The following FNDC3A variants were observed in gnomAD, a reference collection of about 807,000 sequenced individuals.
FNDC3A encodes the protein fibronectin type III domain containing 3A.
A neutral mutation model predicts 148.9 loss-of-function variants in FNDC3A; 32 were observed. The ratio of observed to expected loss-of-function variants is 0.21; its 90% CI spans 0.16 to 0.29. FNDC3A has a LOEUF of 0.29. Ranked by LOEUF, FNDC3A falls within the 10% of genes least tolerant of loss-of-function variation. The pLI, the probability that FNDC3A is intolerant of heterozygous loss-of-function variation, is 1.00. For synonymous variants in FNDC3A, 472 were observed against 473.6 expected (o/e 1.00, Z 0.04); for missense variants, 1,191 against 1,452.8 (o/e 0.82, Z 2.93).
intron 7 of FNDC3A, among the ~76,000 whole-genome samples, chr13:49,140,105 A>G (rs1010033483): frequency 6.6e-6 from 1 of 152,140 alleles, no homozygotes; most frequent in Admixed American, 6.6e-5. Context: ...AACCAAGACA[A>G]GAAGATCACT....
At chr13:49,009,301 C>A (rs1952288733) in intron 2 of FNDC3A, among the ~76,000 whole-genome samples, 2 of 152,102 alleles carry the variant, frequency 1.3e-5, no homozygotes, top group African/African-American at 2.4e-5. Flanking sequence ...TAGCTCATTT[C>A]TTTTTCATTA....
At chr13:49,001,010 A>C (rs1271933001) in intron 1 of FNDC3A, among the ~76,000 whole-genome samples, 1 of 151,486 alleles carries the variant, frequency 6.6e-6, no homozygotes, top group East Asian at 1.9e-4. Flanking sequence ...TCTACCTATA[A>C]GATTATATTG....
chr13:49,128,585 A>G (rs1347786185), intron 4 of FNDC3A, among the ~76,000 whole-genome samples: 1 of 152,164 alleles, frequency 6.6e-6, no homozygotes, highest in Non-Finnish European at 1.5e-5. Flanking sequence ...ACTAGATTTT[A>G]TCACTCTTCT....
chr13:49,009,256 C>G (rs1157492427), intron 2 of FNDC3A, among the ~76,000 whole-genome samples: 1 of 152,148 alleles, frequency 6.6e-6, no homozygotes, highest in Non-Finnish European at 1.5e-5. Flanking sequence ...TCCCACTTAG[C>G]AGTATGGTGT....
At chr13:49,184,949 G>A (rs1245419953) in intron 14 of FNDC3A, among the ~76,000 whole-genome samples, 1 of 149,798 alleles carries the variant, frequency 6.7e-6, no homozygotes, top group African/African-American at 2.4e-5. Context: ...GAGCATAAGG[G>A]GGAGGGGGGT....
rs564947598 is a variant in FNDC3A, at chr13:49,069,465, T to C, written c.100-5824T>C. 2.0e-5 allele frequency among the ~76,000 whole-genome samples: 3 copies of C among 152,350 alleles called. No individual in the cohort carries two copies. In the South Asian group the frequency reaches 6.2e-4, roughly 32 times the overall value. On this transcript the variant is annotated intron_variant, in intron 2 of 25. Coordinates refer to ENST00000492622, the MANE Select transcript of FNDC3A (RefSeq NM_001079673.2). ...CCATATAGAACTCCAGAATTTCTTT[T>C]GGTTCGTTGAACACAGTAAACTTAA...
chr13:49,187,090 C>G (rs756947147), intron 15 of FNDC3A, 32 bp from the exon 16 acceptor site: 1 of 1,509,664 alleles, frequency 6.6e-7, no homozygotes, highest in Admixed American at 1.8e-5. Context: ...TGTTTTGTAC[C>G]TTGCCTAATA....
At position 49,136,271 on chromosome 13, in the gene FNDC3A, A is replaced by G. The variant is rs370309295; in HGVS notation, c.491-61A>G. The G allele has an allele frequency of 7.4e-5, 101 of 1,373,658 alleles. No homozygotes were observed. The East Asian group carries it at 1.6e-3, about 22-fold the overall frequency. 85.1% of individuals were successfully genotyped at this position (1,373,658 alleles called of 1,614,324 possible). A position where few individuals can be genotyped will look rare whatever the true frequency, so the allele number is the denominator to read the frequency against. ...TAGATTTATTTTCTGTTCTTTTTTC[A>G]TGGCATAAACTTATTTGGAGAAAGT... On this transcript the variant is annotated intron_variant, in intron 5 of 25. Transcript: ENST00000492622.
At chr13:49,120,899 A>C (rs1359812167) in intron 4 of FNDC3A, among the ~76,000 whole-genome samples, 1 of 152,052 alleles carries the variant, frequency 6.6e-6, no homozygotes, top group Non-Finnish European at 1.5e-5. Flanking sequence ...AATAATGGGT[A>C]ATAATAATTA....
intron 3 of FNDC3A, among the ~76,000 whole-genome samples, chr13:49,078,595 G>A (rs1317726508): frequency 6.6e-6 from 1 of 152,220 alleles, no homozygotes; most frequent in Non-Finnish European, 1.5e-5. Context: ...TGGAATATGG[G>A]TGGAAGGAAT....
chr13:48,975,971 A>C lies in FNDC3A; in HGVS notation c.-246A>C, dbSNP rs1383354110. ...GTTCGTGGTCCCTCGGGTGAAACAG[A>C]AAGCGGGAGCTACGCGGAGAGGGAG... On this transcript the variant is annotated 5_prime_UTR_variant, in exon 1 of 26. Transcript: ENST00000492622. The C allele has an allele frequency of 6.6e-6, 1 of 152,412 alleles. No homozygotes were observed. Among genetic ancestry groups the C allele is most frequent in the Non-Finnish European group, 1.5e-5 (1 of 68,390 alleles). The allele number at this position is 152,412 out of a possible 1,614,324, so 9.4% of individuals were successfully genotyped here. A position where few individuals can be genotyped will look rare whatever the true frequency, so the allele number is the denominator to read the frequency against.
intron 11 of FNDC3A, among the ~76,000 whole-genome samples, chr13:49,174,099 C>T (rs1253995003): frequency 2.0e-5 from 3 of 152,164 alleles, no homozygotes; most frequent in African/African-American, 7.2e-5. Flanking sequence ...TTGACCCTAT[C>T]AAAGATCGTC....
At chr13:49,070,937 T>C (rs1327644579) in intron 2 of FNDC3A, among the ~76,000 whole-genome samples, 1 of 149,910 alleles carries the variant, frequency 6.7e-6, no homozygotes, top group African/African-American at 2.5e-5. Context: ...CTCACTTCAT[T>C]GCCCAGGTTG....
At chr13:49,077,090 C>A (rs1421214855) in intron 3 of FNDC3A, among the ~76,000 whole-genome samples, 1 of 152,160 alleles carries the variant, frequency 6.6e-6, no homozygotes, top group African/African-American at 2.4e-5. Flanking sequence ...CCAGCCTGGG[C>A]AGCATAACAA....
chr13:49,118,088 C>T (rs377187895), intron 4 of FNDC3A, among the ~76,000 whole-genome samples: 1 of 152,164 alleles, frequency 6.6e-6, no homozygotes, highest in African/African-American at 2.4e-5. Flanking sequence ...GAAAATGTGT[C>T]GTTTTCATTA....
chr13:49,189,762 TAGCATTTTAC>T (rs1885787758), intron 17 of FNDC3A, among the ~76,000 whole-genome samples: 1 of 152,216 alleles, frequency 6.6e-6, no homozygotes, highest in African/African-American at 2.4e-5. Context: ...TGTTCTACTA[TAGCATTTTAC>T]AGCATTTTTA....
At chr13:49,109,800 C>T (rs757203884) in intron 3 of FNDC3A, among the ~76,000 whole-genome samples, 3 of 152,118 alleles carry the variant, frequency 2.0e-5, no homozygotes, top group Non-Finnish European at 4.4e-5. Context: ...AAATAACAGC[C>T]TGAAACATAA....
Position 49,131,326 on chromosome 13 carries a change from A to T in FNDC3A, c.442A>T (p.Thr148Ser). 1 of 1,614,128 alleles carries T rather than the reference A, an allele frequency of 6.2e-7. No homozygotes were observed. Among genetic ancestry groups the T allele is most frequent in the African/African-American group, 1.3e-5 (1 of 75,032 alleles). Residue 148 changes from threonine (T) to serine (S), a missense_variant, in exon 5 of 26, where the codon ACA (threonine) becomes TCA (serine). Thr to Ser is a moderately conservative substitution (Grantham distance 58, BLOSUM62 1). Transcript: ENST00000492622. Reference protein sequence around the residue: ...SPVTGAGDMTTQYMPQYQSSQ... With the variant: ...SPVTGAGDMTSQYMPQYQSSQ... Reference sequence around the variant, plus strand: ...CGTGACTGGAGCTGGAGACATGACAACACAGTATATGCCACAGTATCAGTC... The same window carrying T: ...CGTGACTGGAGCTGGAGACATGACATCACAGTATATGCCACAGTATCAGTC...
chr13:49,163,505 T>C (rs898602057), intron 8 of FNDC3A, among the ~76,000 whole-genome samples: 2 of 152,142 alleles, frequency 1.3e-5, no homozygotes, highest in Non-Finnish European at 2.9e-5. Flanking sequence ...AGTATTAGGG[T>C]GGGAGTGTCC....
Sources: gnomAD v4.1 joint callset for allele counts (sites outside exome capture counted in the v4.1 genomes callset) on GRCh38, gnomAD v4.1.1 for gene constraint, MANE v1.5 for transcripts, NCBI Gene and HGNC (gene_info 2026-07-23, HGNC 2026-07-21) for gene names.